ZNF536: variants seen among roughly 807,000 people sequenced by gnomAD.
ZNF536 encodes the protein zinc finger protein 536.
A neutral mutation model predicts 84.5 loss-of-function variants in ZNF536; 13 were observed. That is an observed-to-expected ratio of 0.15 (90% CI 0.10 to 0.24). ZNF536 has a LOEUF of 0.24. Among genes scored for constraint, ZNF536 ranks in the 10% least tolerant of loss-of-function variants. The pLI, the probability that ZNF536 is intolerant of heterozygous loss-of-function variation, is 1.00. For missense variants in ZNF536, 1,536 were observed against 1,747.5 expected (o/e 0.88, Z 2.16); for synonymous variants, 811 against 742.5 (o/e 1.09, Z -1.50).
chr19:30,565,507 A>G (rs1290951177), intron 1 of ZNF536, among the ~76,000 whole-genome samples: 1 of 152,170 alleles, frequency 6.6e-6, no homozygotes, highest in East Asian at 1.9e-4. Context: ...ATCAGAACCC[A>G]TTTTATGAAT....
intron 1 of ZNF536, among the ~76,000 whole-genome samples, chr19:30,260,387 T>A (rs1410160552): frequency 6.6e-6 from 1 of 152,184 alleles, no homozygotes; most frequent in South Asian, 2.1e-4. Context: ...CTGTTTAGAG[T>A]TTGCTGGGCA....
chr19:30,628,909 A>C (rs193018598), intron 1 of ZNF536, among the ~76,000 whole-genome samples: 1 of 152,200 alleles, frequency 6.6e-6, no homozygotes, highest in East Asian at 1.9e-4. Flanking sequence ...TTCACCACAT[A>C]GGCCAGGCTG....
intron 1 of ZNF536, among the ~76,000 whole-genome samples, chr19:30,270,480 C>A (rs2025766424): frequency 6.6e-6 from 1 of 152,144 alleles, no homozygotes; most frequent in African/African-American, 2.4e-5. Context: ...AATGTGATTT[C>A]TAAATAGACA....
chr19:30,632,650 C>G (rs980411159), intron 1 of ZNF536, among the ~76,000 whole-genome samples: 1 of 59,818 alleles, frequency 1.7e-5, no homozygotes, highest in African/African-American at 5.5e-5. Context: ...AATCAACCAA[C>G]AAACCAACCA....
chr19:30,274,734 A>C (rs1223224096), intron 1 of ZNF536, among the ~76,000 whole-genome samples: 1 of 152,200 alleles, frequency 6.6e-6, no homozygotes, highest in Non-Finnish European at 1.5e-5. Context: ...CACCTGCTAG[A>C]TGTCTGAACA....
chr19:30,303,047 A>G (rs1240247614), intron 2 of ZNF536, among the ~76,000 whole-genome samples: 1 of 152,196 alleles, frequency 6.6e-6, no homozygotes. Flanking sequence ...AGGGGTGCTC[A>G]AAGCATTGGT....
At chr19:30,698,011 G>A (rs1247877923) in intron 1 of ZNF536, among the ~76,000 whole-genome samples, 2 of 152,210 alleles carry the variant, frequency 1.3e-5, no homozygotes, top group African/African-American at 2.4e-5. Flanking sequence ...TTTCATAGAC[G>A]TGGGATGTGG....
chr19:30,472,067 C>T (rs1294079565), intron 2 of ZNF536, among the ~76,000 whole-genome samples: 1 of 152,240 alleles, frequency 6.6e-6, no homozygotes, highest in Non-Finnish European at 1.5e-5. Flanking sequence ...ATCGCGCTAC[C>T]TGGTCTCAGG....
chr19:30,255,814 G>T (rs1049380416), intron 1 of ZNF536, among the ~76,000 whole-genome samples: 26 of 152,320 alleles, frequency 1.7e-4, no homozygotes, highest in African/African-American at 5.5e-4. Flanking sequence ...ACCCCGTCAT[G>T]GGAGAATATG....
intron 1 of ZNF536, among the ~76,000 whole-genome samples, chr19:30,693,017 TG>T (rs200399517): frequency 6.7e-6 from 1 of 150,072 alleles, no homozygotes; most frequent in East Asian, 2.0e-4. Context: ...CTCCAAAACC[TG>T]GGGGGGAGAG....
intron 2 of ZNF536, among the ~76,000 whole-genome samples, chr19:30,306,663 T>C (rs748351436): frequency 1.3e-5 from 2 of 152,252 alleles, no homozygotes; most frequent in African/African-American, 2.4e-5. Flanking sequence ...CTGGAAAATA[T>C]AGTTCCAGTA....
chr19:30,512,622 A>G (rs899443520), intron 2 of ZNF536, among the ~76,000 whole-genome samples: 3 of 152,044 alleles, frequency 2.0e-5, no homozygotes, highest in Non-Finnish European at 4.4e-5. Context: ...CCATTTTGAA[A>G]AAAAAAAAAA....
At chr19:30,232,346 T>G (rs971570917) in intron 1 of ZNF536, among the ~76,000 whole-genome samples, 5 of 152,164 alleles carry the variant, frequency 3.3e-5, no homozygotes, top group Non-Finnish European at 7.3e-5. Flanking sequence ...GGGTACATTG[T>G]GTGATGCTGA....
At chr19:30,396,374 G>T (rs541786880) in intron 1 of ZNF536, among the ~76,000 whole-genome samples, 1 of 152,248 alleles carries the variant, frequency 6.6e-6, no homozygotes, top group Non-Finnish European at 1.5e-5. Context: ...ATATTTTCTG[G>T]ATCAATTTGA....
chr19:30,516,239 ACAT>A (rs2044068222), intron 2 of ZNF536, among the ~76,000 whole-genome samples: 1 of 152,194 alleles, frequency 6.6e-6, no homozygotes, highest in Admixed American at 6.5e-5. Flanking sequence ...CAAGATGCAA[ACAT>A]CAGCCAGGAA....
chr19:30,598,064 G>A (rs1004040234), intron 1 of ZNF536, among the ~76,000 whole-genome samples: 5 of 152,146 alleles, frequency 3.3e-5, no homozygotes, highest in African/African-American at 4.8e-5. Context: ...AGTACTTAGA[G>A]CAACAGACAC....
chr19:30,364,810 C>T (rs979440882), intron 3 of ZNF536, among the ~76,000 whole-genome samples: 2 of 152,124 alleles, frequency 1.3e-5, no homozygotes, highest in Non-Finnish European at 2.9e-5. Flanking sequence ...GGGTCATATG[C>T]GTTTTTCTTT....
At chr19:30,249,313 TTATAA>T (rs1291054221) in intron 1 of ZNF536, among the ~76,000 whole-genome samples, 1 of 142,396 alleles carries the variant, frequency 7.0e-6, no homozygotes, top group Non-Finnish European at 1.5e-5. Flanking sequence ...AGTCTTAGTA[TTATAA>T]TATAAACAGG....
At chr19:30,483,486 AC>A (rs2054171414) in intron 2 of ZNF536, among the ~76,000 whole-genome samples, 1 of 35,120 alleles carries the variant, frequency 2.8e-5, no homozygotes, top group South Asian at 1.0e-3. Context: ...ACCCCACCCC[AC>A]CCCACCCCAC....
Sources: allele counts gnomAD v4.1 joint callset (sites outside exome capture counted in the v4.1 genomes callset), GRCh38; gene constraint gnomAD v4.1.1; transcripts MANE v1.5; gene names NCBI Gene and HGNC (gene_info 2026-07-23, HGNC 2026-07-21).